Variants in DGLUCY observed in about 807,000 individuals in gnomAD.
DGLUCY encodes the protein D-glutamate cyclase, mitochondrial.
In DGLUCY, 58 loss-of-function variants were observed where a neutral mutation model predicts 58.5. The ratio of observed to expected loss-of-function variants is 0.99; its 90% CI spans 0.80 to 1.23. DGLUCY has a LOEUF of 1.23. Ranked by LOEUF, DGLUCY falls within the 50% of genes most tolerant of loss-of-function variation. DGLUCY has a pLI of 0.00. For synonymous variants in DGLUCY, 325 were observed against 314.1 expected (o/e 1.03, Z -0.37); for missense variants, 779 against 784.7 (o/e 0.99, Z 0.09).
At chr14:91,164,133 AGAGATGGGGTTT>A (rs1349769239) in intron 3 of DGLUCY, among the ~76,000 whole-genome samples, 1 of 152,046 alleles carries the variant, frequency 6.6e-6, no homozygotes, top group African/African-American at 2.4e-5. Flanking sequence ...TATTTTTAGT[AGAGATGGGGTTT>A]CACCATGTTG....
chr14:91,180,001 C>G (rs1167605637), intron 7 of DGLUCY, among the ~76,000 whole-genome samples: 1 of 145,146 alleles, frequency 6.9e-6, no homozygotes, highest in Non-Finnish European at 1.5e-5. Flanking sequence ...AAGCAATTCT[C>G]CCACCTCAGC....
chr14:91,117,464 A>G (rs551813397), intron 1 of DGLUCY, among the ~76,000 whole-genome samples: 1 of 152,108 alleles, frequency 6.6e-6, no homozygotes, highest in Non-Finnish European at 1.5e-5. Context: ...CTTGGGCTTG[A>G]CTGCTGGTTT....
intron 10 of DGLUCY, among the ~76,000 whole-genome samples, chr14:91,198,328 G>A (rs1339109744): frequency 6.6e-6 from 1 of 150,404 alleles, no homozygotes; most frequent in African/African-American, 2.5e-5. Flanking sequence ...GCAGACATGA[G>A]CCACTGTGCC....
chr14:91,068,075 G>GCGCGCGCACA (rs1555387690), intron 1 of DGLUCY, among the ~76,000 whole-genome samples: 5 of 45,996 alleles, frequency 1.1e-4, no homozygotes. Flanking sequence ...ACACACACGC[G>GCGCGCGCACA]CACGCACACA....
intron 1 of DGLUCY, among the ~76,000 whole-genome samples, chr14:91,151,963 T>C (rs2047363205): frequency 6.6e-6 from 1 of 152,068 alleles, no homozygotes; most frequent in African/African-American, 2.4e-5. Flanking sequence ...AGACAGGGTC[T>C]CATGTCATAA....
At chr14:91,196,599 A>T in intron 10 of DGLUCY, 125 bp downstream of exon 10, 1 of 724,786 alleles carries the variant, frequency 1.4e-6, no homozygotes, top group Admixed American at 2.4e-5. Flanking sequence ...GCCAAGGAAG[A>T]TGGGTTCTCA....
intron 5 of DGLUCY, among the ~76,000 whole-genome samples, chr14:91,172,311 T>C (rs1386416654): frequency 1.3e-5 from 2 of 152,214 alleles, no homozygotes; most frequent in African/African-American, 4.8e-5. Context: ...ACTTCTGGGC[T>C]CAAGCGATCC....
intron 3 of DGLUCY, among the ~76,000 whole-genome samples, chr14:91,161,706 A>G (rs2047996853): frequency 6.6e-6 from 1 of 152,150 alleles, no homozygotes; most frequent in Non-Finnish European, 1.5e-5. Flanking sequence ...AAAGCAAATC[A>G]CAGGGCCAAG....
intron 2 of DGLUCY, among the ~76,000 whole-genome samples, chr14:91,159,310 C>T (rs1344621441): frequency 3.3e-5 from 5 of 151,938 alleles, no homozygotes; most frequent in South Asian, 4.1e-4. Flanking sequence ...AGCCAGGTGT[C>T]GTGGCACATA....
exon 1 of DGLUCY, chr14:91,060,463 C>A: frequency 7.1e-7 from 1 of 1,412,226 alleles, no homozygotes; most frequent in Non-Finnish European, 9.4e-7. Flanking sequence ...TCCCGCGGGT[C>A]GCTACGAGGG....
intron 1 of DGLUCY, among the ~76,000 whole-genome samples, chr14:91,095,106 C>G (rs1257073247): frequency 1.3e-5 from 2 of 152,158 alleles, no homozygotes; most frequent in Admixed American, 1.3e-4. Flanking sequence ...CCCCTGCCCC[C>G]CCAGTTCATT....
At chr14:91,068,537 G>T (rs1200058096) in intron 1 of DGLUCY, among the ~76,000 whole-genome samples, 1 of 152,122 alleles carries the variant, frequency 6.6e-6, no homozygotes, top group Non-Finnish European at 1.5e-5. Context: ...GCGTGGTGGG[G>T]CATGCCTTGT....
At chr14:91,099,118 G>T (rs1034332017) in intron 1 of DGLUCY, among the ~76,000 whole-genome samples, 4 of 152,212 alleles carry the variant, frequency 2.6e-5, no homozygotes, top group African/African-American at 9.6e-5. Flanking sequence ...GATGCAGGAG[G>T]TAGCTTTAGA....
intron 12 of DGLUCY, among the ~76,000 whole-genome samples, chr14:91,210,595 TCA>T (rs933227686): frequency 2.0e-5 from 3 of 152,136 alleles, no homozygotes; most frequent in Non-Finnish European, 4.4e-5. Flanking sequence ...ATCCATTACG[TCA>T]ATAGGCTAAG....
intron 8 of DGLUCY, among the ~76,000 whole-genome samples, chr14:91,184,614 TGGAA>T (rs1225312394): frequency 0.012 from 846 of 71,456 alleles, 11 homozygotes; most frequent in African/African-American, 0.015. Flanking sequence ...AGTCTGATTC[TGGAA>T]GGAAGGAAGG....
intron 1 of DGLUCY, among the ~76,000 whole-genome samples, chr14:91,069,625 T>C (rs769194752): frequency 2.6e-5 from 4 of 151,992 alleles, no homozygotes; most frequent in Non-Finnish European, 4.4e-5. Flanking sequence ...TGGCAAGTGA[T>C]ACTTTCTTTA....
chr14:91,136,609 G>C (rs2046351757), intron 1 of DGLUCY, among the ~76,000 whole-genome samples: 1 of 151,780 alleles, frequency 6.6e-6, no homozygotes, highest in East Asian at 1.9e-4. Flanking sequence ...GCTTGAATCT[G>C]GGAGGAAGCG....
chr14:91,153,532 C>G (rs2047437092), intron 1 of DGLUCY, among the ~76,000 whole-genome samples: 1 of 152,200 alleles, frequency 6.6e-6, no homozygotes, highest in Non-Finnish European at 1.5e-5. Flanking sequence ...ACTGTTGATG[C>G]TGCACATCCA....
At chr14:91,200,262 G>C (rs2050471013) in intron 11 of DGLUCY, among the ~76,000 whole-genome samples, 1 of 152,136 alleles carries the variant, frequency 6.6e-6, no homozygotes, top group Admixed American at 6.6e-5. Flanking sequence ...GCCTAAGTGT[G>C]TTTTTATTGA....
Sources: gnomAD v4.1 joint callset for allele counts (sites outside exome capture counted in the v4.1 genomes callset) on GRCh38, gnomAD v4.1.1 for gene constraint, MANE v1.5 for transcripts, NCBI Gene and HGNC (gene_info 2026-07-23, HGNC 2026-07-21) for gene names.